FER1L6: variants seen among roughly 807,000 people sequenced by gnomAD.
FER1L6 encodes the protein fer-1-like protein 6.
FER1L6 carries 177 observed loss-of-function variants against 219.2 expected under a neutral mutation model. That is an observed-to-expected ratio of 0.81 (90% CI 0.71 to 0.91). The LOEUF (loss-of-function observed/expected upper bound fraction) is 0.91. Among genes scored for constraint, FER1L6 ranks in the 40% least tolerant of loss-of-function variants. The pLI is 0.00. For synonymous variants in FER1L6, 768 were observed against 824.3 expected (o/e 0.93, Z 1.17); for missense variants, 2,153 against 2,259.9 (o/e 0.95, Z 0.96).
intron 18 of FER1L6, among the ~76,000 whole-genome samples, chr8:124,028,341 G>A (rs1401328127): frequency 6.6e-6 from 1 of 152,150 alleles, no homozygotes; most frequent in Admixed American, 6.6e-5. Flanking sequence ...ATGATTCAGC[G>A]AGACCATTTT....
intron 1 of FER1L6, among the ~76,000 whole-genome samples, chr8:123,872,784 C>A (rs1816946859): frequency 6.6e-6 from 1 of 152,094 alleles, no homozygotes; most frequent in Non-Finnish European, 1.5e-5. Context: ...TGGGTATTAC[C>A]AACTCCTTGA....
chr8:123,951,934 C>T (rs1292461675), intron 1 of FER1L6, among the ~76,000 whole-genome samples: 1 of 152,126 alleles, frequency 6.6e-6, no homozygotes. Context: ...GGCCATTTGG[C>T]CTGAGCTGCC....
chr8:124,091,264 C>T (rs1342648021), intron 33 of FER1L6, among the ~76,000 whole-genome samples, 159 bp from the exon 34 acceptor site: 1 of 152,236 alleles, frequency 6.6e-6, no homozygotes, highest in Non-Finnish European at 1.5e-5. Context: ...AGAAGTCTTG[C>T]CTTTCAGGCA....
intron 1 of FER1L6, among the ~76,000 whole-genome samples, chr8:123,908,249 G>C (rs1383077003): frequency 1.3e-5 from 2 of 152,242 alleles, no homozygotes; most frequent in African/African-American, 4.8e-5. Flanking sequence ...ATGGAAGTTT[G>C]TGGATAAACA....
At chr8:123,862,261 G>C (rs902809549) in intron 1 of FER1L6, among the ~76,000 whole-genome samples, 14 of 95,034 alleles carry the variant, frequency 1.5e-4, no homozygotes, top group African/African-American at 6.4e-4. Flanking sequence ...CTTTGGCTCT[G>C]TTTATATGCT....
intron 1 of FER1L6, among the ~76,000 whole-genome samples, chr8:123,858,759 T>C (rs974877700): frequency 6.6e-6 from 1 of 152,178 alleles, no homozygotes; most frequent in African/African-American, 2.4e-5. Context: ...TGGATCAGTC[T>C]CTGGCACCAA....
intron 13 of FER1L6, among the ~76,000 whole-genome samples, chr8:124,005,226 G>A (rs1776428839): frequency 1.3e-5 from 2 of 152,128 alleles, no homozygotes; most frequent in African/African-American, 2.4e-5. Flanking sequence ...GCTAAACTAT[G>A]AGAACCAGTT....
intron 22 of FER1L6, among the ~76,000 whole-genome samples, chr8:124,052,730 A>T (rs1563768036): frequency 6.6e-6 from 1 of 152,186 alleles, no homozygotes; most frequent in Non-Finnish European, 1.5e-5. Context: ...AGTTGCTGTG[A>T]GCCGAGATCG....
rs1221062532 is a variant in FER1L6 at position 123,963,305 on chromosome 8, A to G, written c.104A>G (p.Gln35Arg). The change falls in exon 3 of 41, where the codon CAG (glutamine) becomes CGG (arginine). Residue 35 changes from glutamine to arginine, a missense_variant. Transcript: ENST00000522917. ...AGTCAAGGTGACACTGAAGCACTGC[A>G]GGAGGAGCCTTCTCACCAGGAAGGA... ...KDSQGDTEALQEEPSHQEGPR... is the reference protein window; with the variant it reads ...KDSQGDTEALREEPSHQEGPR... 6.2e-7 allele frequency: 1 copy of G among 1,614,000 alleles called. No homozygotes were observed. Among genetic ancestry groups the G allele is most frequent in the Non-Finnish European group, 8.5e-7 (1 of 1,179,950 alleles).
intron 34 of FER1L6, among the ~76,000 whole-genome samples, chr8:124,092,873 T>G (rs1822102111): frequency 9.1e-6 from 1 of 109,392 alleles, no homozygotes; most frequent in Non-Finnish European, 1.9e-5. Flanking sequence ...TTTTTTTTTT[T>G]GAGATGGAGT....
chr8:123,985,735 C>T, intron 11 of FER1L6: 1 of 202,248 alleles, frequency 4.9e-6, no homozygotes, highest in Non-Finnish European at 9.9e-6. Flanking sequence ...CCCCAATCTC[C>T]AGAAGGTAAT....
chr8:123,901,543 TTTG>T, intron 1 of FER1L6, among the ~76,000 whole-genome samples: 1 of 8,970 alleles, frequency 1.1e-4, no homozygotes, highest in Non-Finnish European at 2.5e-4. Context: ...TGGGTTTGGG[TTTG>T]GTTTGGTTTG....
intron 1 of FER1L6, among the ~76,000 whole-genome samples, chr8:123,872,149 C>T (rs534722551): frequency 2.2e-4 from 34 of 152,160 alleles, no homozygotes; most frequent in South Asian, 1.0e-3. Flanking sequence ...CCATATCTTT[C>T]GAGAATTTAC....
At position 124,040,044 on chromosome 8, in the gene FER1L6, C is replaced by T. The variant is rs914484207; in HGVS notation, c.2589+38C>T. The T allele has an allele frequency of 3.7e-6, 6 of 1,612,520 alleles. No homozygotes were observed. In the African/African-American group the frequency reaches 6.7e-5, roughly 18 times the overall value. The stretch of plus-strand genomic sequence containing the variant: ...ACCAAGACAGCCTGCTTCTTTCCTG[C>T]AGCCTGCAACTGACCCACAGAAGAT... On this transcript the variant is annotated intron_variant, in intron 20 of 40. Transcript: ENST00000522917.
chr8:124,060,675 C>A lies in FER1L6; in HGVS notation c.3113C>A (p.Pro1038Gln), dbSNP rs758421616. 3 of 1,613,910 alleles carry A rather than the reference C, an allele frequency of 1.9e-6. No homozygotes were observed. Among genetic ancestry groups the A allele is most frequent in the African/African-American group, 1.3e-5 (1 of 74,896 alleles). The change falls in exon 24 of 41, where the codon CCG becomes CAG. Residue 1038 changes from proline (P) to glutamine (Q), a missense_variant. Transcript: ENST00000522917. The stretch of plus-strand genomic sequence containing the variant: ...GTGATCCAGAGCTACAAGAACAACC[C>A]GAACTTCAGCATCCAGGCAGACGCT... The part of the protein sequence containing the change: ...SCVIQSYKNN[P>Q]NFSIQADAFE...
At chr8:124,008,650 T>C (rs1005787146) in intron 13 of FER1L6, among the ~76,000 whole-genome samples, 1 of 152,102 alleles carries the variant, frequency 6.6e-6, no homozygotes, top group African/African-American at 2.4e-5. Flanking sequence ...TTAATTAAAC[T>C]AAAGAGCTTT....
rs143105408 is a variant in FER1L6, at chr8:124,075,443, G to A, written c.4093-755G>A. 3.9e-5 allele frequency among the ~76,000 whole-genome samples: 6 copies of A among 152,210 alleles called. No individual in the cohort carries two copies. The East Asian group carries it at 5.8e-4, about 15-fold the overall frequency. On this transcript the variant is annotated intron_variant, in intron 31 of 40. Transcript: ENST00000522917. ...GGAAGGTCTTCAAGGGCACTAACAC[G>A]CATGGAGCTGTCATCACTTATAATA...
At chr8:124,010,344 TG>T (rs1376376193) in intron 13 of FER1L6, among the ~76,000 whole-genome samples, 2 of 152,300 alleles carry the variant, frequency 1.3e-5, no homozygotes, top group South Asian at 4.2e-4. Flanking sequence ...CGCCCTCTAG[TG>T]ATCATTTCTA....
At chr8:123,915,943 C>T (rs945215046) in intron 1 of FER1L6, among the ~76,000 whole-genome samples, 1 of 152,150 alleles carries the variant, frequency 6.6e-6, no homozygotes, top group Non-Finnish European at 1.5e-5. Flanking sequence ...TTGAGAATGA[C>T]AAGTTCAGTA....
Sources: allele counts gnomAD v4.1 joint callset (sites outside exome capture counted in the v4.1 genomes callset), GRCh38; gene constraint gnomAD v4.1.1; transcripts MANE v1.5; gene names NCBI Gene and HGNC (gene_info 2026-07-23, HGNC 2026-07-21).